ZFR: variants seen among roughly 807,000 people sequenced by gnomAD.
The protein encoded by ZFR is zinc finger RNA-binding protein.
ZFR carries 19 observed loss-of-function variants against 130.7 expected under a neutral mutation model. The ratio of observed to expected loss-of-function variants is 0.15; its 90% CI spans 0.10 to 0.21. The LOEUF (loss-of-function observed/expected upper bound fraction) is 0.21, where lower values mean the gene tolerates loss of function less well. ZFR is among the 10% of genes least tolerant of loss of function. The pLI, the probability that ZFR is intolerant of heterozygous loss-of-function variation, is 1.00. For synonymous variants in ZFR, 466 were observed against 456.9 expected (o/e 1.02, Z -0.25); for missense variants, 872 against 1,321.5 (o/e 0.66, Z 5.27).
chr5:32,434,706 T>G (rs1198675111), intron 2 of ZFR, among the ~76,000 whole-genome samples: 1 of 152,230 alleles, frequency 6.6e-6, no homozygotes, highest in Non-Finnish European at 1.5e-5. Flanking sequence ...GATCCCATGA[T>G]GTAAATCTTG....
chr5:32,403,109 C>T lies in ZFR; in HGVS notation c.1513G>A (p.Val505Ile), dbSNP rs369989586. The change falls in exon 8 of 20, where the codon GTT (valine) becomes ATT (isoleucine). Residue 505 changes from valine (V) to isoleucine (I), a missense_variant. Physicochemically the swap from Val to Ile is conservative, Grantham distance 29 (BLOSUM62 3). Around this residue, in one of 7 missense-constraint regions of ZFR, gnomAD observed 143 missense variants for 137.9 expected, o/e 1.04. Coordinates refer to ENST00000265069, the MANE Select transcript of ZFR (RefSeq NM_016107.5). ...KKTSTPKINF[V>I]GGNKLQSTGN... is the part of the protein sequence containing the mutation. ...GACAGAGAATATCAGTACTTGCCAA[C>T]AAAATTTATTTTGGGGGTAGATGTT... is the stretch of plus-strand genomic sequence containing the variant. 26 of 1,613,518 alleles carry T rather than the reference C, an allele frequency of 1.6e-5. No homozygotes were observed. The African/African-American group carries it at 2.8e-4, about 17-fold the overall frequency.
chr5:32,443,764 G>A (rs1006225115), intron 2 of ZFR, among the ~76,000 whole-genome samples: 2 of 152,242 alleles, frequency 1.3e-5, no homozygotes, highest in Admixed American at 6.5e-5. Flanking sequence ...GCAGAGAGGC[G>A]TCGCACGAGA....
intron 2 of ZFR, among the ~76,000 whole-genome samples, chr5:32,430,288 T>G (rs1754175621): frequency 6.6e-6 from 1 of 152,016 alleles, no homozygotes; most frequent in South Asian, 2.1e-4. Context: ...CCAAATGAAC[T>G]TTTAAAACTA....
At chr5:32,417,591 A>C in intron 4 of ZFR, 57 bp downstream of exon 4, 1 of 1,597,466 alleles carries the variant, frequency 6.3e-7, no homozygotes, top group Non-Finnish European at 8.5e-7. Flanking sequence ...CATTAAACGC[A>C]GTAAGTCATA....
At chr5:32,356,033 A>T (rs537182595) in intron 19 of ZFR, 94 bp from the exon 20 acceptor site, 1 of 958,716 alleles carries the variant, frequency 1.0e-6, no homozygotes, top group African/African-American at 1.7e-5. Flanking sequence ...AACCTAAAAA[A>T]GCATGTGTAA....
At chr5:32,422,634 A>G (rs560790006) in intron 2 of ZFR, among the ~76,000 whole-genome samples, 23 of 151,878 alleles carry the variant, frequency 1.5e-4, no homozygotes, top group Non-Finnish European at 3.2e-4. Flanking sequence ...ACATCTCTAC[A>G]GAAAATTTTT....
chr5:32,383,335 G>C (rs1296139370), intron 15 of ZFR, among the ~76,000 whole-genome samples: 1 of 152,182 alleles, frequency 6.6e-6, no homozygotes, highest in Non-Finnish European at 1.5e-5. Context: ...CCCTCTGCTA[G>C]AAGGCTTTGG....
chr5:32,364,080 G>C (rs1752487908), intron 18 of ZFR, 35 bp from the exon 19 acceptor site: 1 of 1,602,308 alleles, frequency 6.2e-7, no homozygotes, highest in South Asian at 1.1e-5. Flanking sequence ...GAAATTATTA[G>C]CATTGTCCAC....
intron 2 of ZFR, among the ~76,000 whole-genome samples, chr5:32,436,430 C>T (rs1396620068): frequency 6.6e-6 from 1 of 151,936 alleles, no homozygotes; most frequent in Non-Finnish European, 1.5e-5. Context: ...GTAATACAGG[C>T]GTGAGCCACC....
chr5:32,422,727 G>A (rs1714120754), intron 2 of ZFR, among the ~76,000 whole-genome samples: 1 of 143,098 alleles, frequency 7.0e-6, no homozygotes, highest in African/African-American at 2.6e-5. Context: ...TTGAGCAGAG[G>A]AGGTTGAGGC....
chr5:32,379,990 G>C (rs1752900820), intron 16 of ZFR, 85 bp downstream of exon 16: 2 of 1,109,706 alleles, frequency 1.8e-6, no homozygotes, highest in South Asian at 2.9e-5. Context: ...GCAGTCTTTT[G>C]AAATGTTTAA....
intron 6 of ZFR, among the ~76,000 whole-genome samples, chr5:32,404,606 C>T (rs1753538297): frequency 6.6e-6 from 1 of 152,068 alleles, no homozygotes; most frequent in Non-Finnish European, 1.5e-5. Context: ...GAATCCATGG[C>T]CCTTAAATGA....
At chr5:32,421,550 A>G (rs1753957987) in intron 2 of ZFR, among the ~76,000 whole-genome samples, 1 of 152,080 alleles carries the variant, frequency 6.6e-6, no homozygotes, top group South Asian at 2.1e-4. Context: ...ATGGGTTTTA[A>G]TTTCATATAA....
intron 12 of ZFR, among the ~76,000 whole-genome samples, chr5:32,389,195 A>C (rs1234358437): frequency 6.6e-6 from 1 of 152,184 alleles, no homozygotes; most frequent in African/African-American, 2.4e-5. Context: ...TCTTAATAAC[A>C]CATCAACTCT....
chr5:32,430,416 C>CAG (rs71598941), intron 2 of ZFR, among the ~76,000 whole-genome samples: 2 of 151,408 alleles, frequency 1.3e-5, no homozygotes, highest in East Asian at 1.9e-4. Context: ...CCAGAATGCA[C>CAG]AGAGAGAGAG....
intron 2 of ZFR, among the ~76,000 whole-genome samples, chr5:32,443,657 T>C (rs986032975): frequency 7.2e-5 from 11 of 152,378 alleles, no homozygotes; most frequent in Non-Finnish European, 1.5e-5. Flanking sequence ...TCGCTAGCGA[T>C]GGAGCGTCTG....
intron 13 of ZFR, 74 bp downstream of exon 13, chr5:32,388,395 G>T: frequency 7.3e-7 from 1 of 1,373,180 alleles, no homozygotes. Context: ...CCAGTCATAA[G>T]CTATATTTCA....
At chr5:32,388,744 T>A in intron 12 of ZFR, 70 bp from the exon 13 acceptor site, 1 of 1,310,150 alleles carries the variant, frequency 7.6e-7, no homozygotes, top group Non-Finnish European at 1.1e-6. Context: ...ATTTTTCAAC[T>A]ATACATATTT....
At chr5:32,401,611 G>A (rs1189264504) in intron 8 of ZFR, among the ~76,000 whole-genome samples, 1 of 152,236 alleles carries the variant, frequency 6.6e-6, no homozygotes, top group Non-Finnish European at 1.5e-5. Flanking sequence ...GATGAGTTAT[G>A]AGGCTGGAAA....
Sources: allele counts gnomAD v4.1 joint callset (sites outside exome capture counted in the v4.1 genomes callset), GRCh38; gene constraint gnomAD v4.1.1; regional missense constraint gnomAD v4.1.1; transcripts MANE v1.5; gene names NCBI Gene and HGNC (gene_info 2026-07-23, HGNC 2026-07-21).